PCDH7: variants seen among roughly 807,000 people sequenced by gnomAD.
The protein encoded by PCDH7 is protocadherin-7.
Under a neutral mutation model 58.9 loss-of-function variants are expected in PCDH7, and 17 were observed. That is an observed-to-expected ratio of 0.29 (90% CI 0.20 to 0.43). PCDH7 has a LOEUF of 0.43. Ranked by LOEUF, PCDH7 falls within the 20% of genes least tolerant of loss-of-function variation. The probability of loss-of-function intolerance (pLI) is 1.00; values close to 1 mark genes in which losing one functional copy is unlikely to be tolerated. For missense variants in PCDH7, 1,274 were observed against 1,441.0 expected, an observed-to-expected ratio of 0.88 and a Z score of 1.88; for synonymous variants, 664 against 616.4, an observed-to-expected ratio of 1.08 and a Z score of -1.14.
intron 3 of PCDH7, among the ~76,000 whole-genome samples, chr4:31,021,133 A>G (rs1753986991): frequency 6.6e-6 from 1 of 152,240 alleles, no homozygotes; most frequent in African/African-American, 2.4e-5. Context: ...AGAAAACATA[A>G]GTCTTGATTA....
chr4:31,111,770 G>A (rs1160088705), intron 3 of PCDH7, among the ~76,000 whole-genome samples: 1 of 152,188 alleles, frequency 6.6e-6, no homozygotes, highest in African/African-American at 2.4e-5. Flanking sequence ...AACCTCTGCA[G>A]TGCCAAATCA....
chr4:30,948,943 C>T (rs1040075406), intron 2 of PCDH7, among the ~76,000 whole-genome samples: 1 of 152,090 alleles, frequency 6.6e-6, no homozygotes, highest in African/African-American at 2.4e-5. Context: ...TATTGTTTTC[C>T]AAACCCTAAT....
intron 3 of PCDH7, among the ~76,000 whole-genome samples, chr4:31,039,072 C>T (rs1755640013): frequency 6.6e-6 from 1 of 151,774 alleles, no homozygotes; most frequent in South Asian, 2.1e-4. Flanking sequence ...TACTCAAAAG[C>T]AATGAAATAA....
chr4:31,002,951 C>T (rs1459791099), intron 3 of PCDH7, among the ~76,000 whole-genome samples: 2 of 152,132 alleles, frequency 1.3e-5, no homozygotes, highest in Non-Finnish European at 2.9e-5. Flanking sequence ...TTTAATTAGC[C>T]TAAACTTTAG....
chr4:30,943,714 T>G (rs1746330676), intron 2 of PCDH7, among the ~76,000 whole-genome samples: 2 of 152,070 alleles, frequency 1.3e-5, no homozygotes, highest in Non-Finnish European at 2.9e-5. Context: ...TTATGAGATT[T>G]TTTTTTGCTG....
intron 3 of PCDH7, among the ~76,000 whole-genome samples, chr4:31,033,636 A>C (rs1253413763): frequency 6.6e-6 from 1 of 152,158 alleles, no homozygotes; most frequent in Non-Finnish European, 1.5e-5. Context: ...CCTTACTTGC[A>C]TAGACAGTTT....
At chr4:31,098,976 T>C (rs1055879083) in intron 3 of PCDH7, among the ~76,000 whole-genome samples, 2 of 152,156 alleles carry the variant, frequency 1.3e-5, no homozygotes, top group Non-Finnish European at 2.9e-5. Flanking sequence ...TCCTCTCTCA[T>C]AAAGGCACCA....
At chr4:30,839,386 G>T (rs893288982) in intron 1 of PCDH7, among the ~76,000 whole-genome samples, 2 of 152,070 alleles carry the variant, frequency 1.3e-5, no homozygotes, top group Non-Finnish European at 2.9e-5. Context: ...TATAGCTATT[G>T]TGTGTAAGCT....
chr4:30,770,829 ATTGTCTTTCAT>A (rs1560351758), intron 1 of PCDH7, among the ~76,000 whole-genome samples: 1 of 152,080 alleles, frequency 6.6e-6, no homozygotes, highest in East Asian at 1.9e-4. Context: ...GGAAAACAAG[ATTGTCTTTCAT>A]TTGTCTTTTA....
At chr4:30,875,054 C>T (rs747358041) in intron 1 of PCDH7, among the ~76,000 whole-genome samples, 12 of 152,062 alleles carry the variant, frequency 7.9e-5, no homozygotes, top group Admixed American at 3.3e-4. Context: ...ACCTTAGAGA[C>T]TGTATTAGTT....
intron 3 of PCDH7, among the ~76,000 whole-genome samples, chr4:31,116,843 G>C (rs1413483809): frequency 1.3e-5 from 2 of 151,720 alleles, no homozygotes; most frequent in African/African-American, 4.8e-5. Context: ...GTTGTTGTTT[G>C]GTTTTTTTTG....
intron 3 of PCDH7, among the ~76,000 whole-genome samples, chr4:30,985,836 G>T (rs933989065): frequency 3.3e-5 from 5 of 152,290 alleles, no homozygotes; most frequent in Admixed American, 3.3e-4. Flanking sequence ...TTGGCAAAAA[G>T]AAGGGTTTGA....
chr4:31,096,628 A>G (rs775447956), intron 3 of PCDH7, among the ~76,000 whole-genome samples: 1 of 152,166 alleles, frequency 6.6e-6, no homozygotes, highest in Non-Finnish European at 1.5e-5. Context: ...AGTTTTGATG[A>G]TGTTATAGAA....
At chr4:31,012,153 A>G (rs1417080506) in intron 3 of PCDH7, among the ~76,000 whole-genome samples, 1 of 152,166 alleles carries the variant, frequency 6.6e-6, no homozygotes, top group East Asian at 1.9e-4. Flanking sequence ...CTTGCAAGAA[A>G]AAAGCTACAT....
At chr4:30,924,774 T>C (rs763254954) in intron 2 of PCDH7, among the ~76,000 whole-genome samples, 2 of 151,728 alleles carry the variant, frequency 1.3e-5, no homozygotes, top group African/African-American at 2.4e-5. Flanking sequence ...TAAGCACATG[T>C]GTTTTCTTAC....
chr4:30,949,433 G>C (rs1333239233), intron 2 of PCDH7, among the ~76,000 whole-genome samples: 1 of 151,952 alleles, frequency 6.6e-6, no homozygotes, highest in Non-Finnish European at 1.5e-5. Flanking sequence ...GCCATCAACT[G>C]TTTGGTATAC....
intron 3 of PCDH7, among the ~76,000 whole-genome samples, chr4:31,069,649 G>C (rs1475566860): frequency 6.6e-6 from 1 of 151,784 alleles, no homozygotes; most frequent in African/African-American, 2.4e-5. Flanking sequence ...AAAGTTTGAT[G>C]GAATTATACC....
intron 1 of PCDH7, among the ~76,000 whole-genome samples, chr4:30,765,488 G>A (rs1471200243): frequency 6.6e-6 from 1 of 152,132 alleles, no homozygotes; most frequent in Non-Finnish European, 1.5e-5. Context: ...AGAACCTGCT[G>A]TGCAAAGGTC....
At chr4:31,086,047 C>T (rs1410941869) in intron 3 of PCDH7, among the ~76,000 whole-genome samples, 1 of 152,088 alleles carries the variant, frequency 6.6e-6, no homozygotes, top group African/African-American at 2.4e-5. Context: ...GATCAGGAAA[C>T]TGAGGGCTTT....
Sources: gnomAD v4.1 joint callset for allele counts (sites outside exome capture counted in the v4.1 genomes callset) on GRCh38, gnomAD v4.1.1 for gene constraint, MANE v1.5 for transcripts, NCBI Gene and HGNC (gene_info 2026-07-23, HGNC 2026-07-21) for gene names.